TERB1: variants seen among roughly 807,000 people sequenced by gnomAD.
The protein encoded by TERB1 is telomere repeats-binding bouquet formation protein 1.
TERB1 carries 63 observed loss-of-function variants against 92.3 expected under a neutral mutation model. The observed-to-expected ratio is 0.68, with a 90% CI of 0.56 to 0.84. The LOEUF is 0.84. TERB1 is among the 40% of genes least tolerant of loss of function. The pLI is 0.00. For missense variants in TERB1, 709 were observed against 843.7 expected (o/e 0.84, Z 1.98); for synonymous variants, 252 against 283.9 (o/e 0.89, Z 1.13).
intron 16 of TERB1, among the ~76,000 whole-genome samples, chr16:66,763,102 G>A (rs184444855): frequency 2.0e-5 from 3 of 151,414 alleles, no homozygotes; most frequent in African/African-American, 7.3e-5. Flanking sequence ...TTTGAAAGTT[G>A]GTTGTTGGAA....
rs1481786994 is a variant in TERB1, at chr16:66,775,171, T to C, written c.1058A>G (p.Asn353Ser). Residue 353 changes from asparagine (N) to serine (S), a missense_variant, in exon 12 of 19, where the codon AAT becomes AGT. Asn to Ser is a conservative substitution (Grantham distance 46, BLOSUM62 1). Transcript: ENST00000433154. ...LMIQALTESQNEELNKAATFV... is the reference protein window; with the variant it reads ...LMIQALTESQSEELNKAATFV... ...TGTGGCAGCTTTGTTCAGTTCCTCATTCTGCGATTCAGTTAAGGCTTGAAT... is the reference window on the plus strand; with the variant it reads ...TGTGGCAGCTTTGTTCAGTTCCTCACTCTGCGATTCAGTTAAGGCTTGAAT... 6.4e-6 allele frequency: 10 copies of C among 1,551,564 alleles called. No homozygotes were observed. In the Admixed American group the frequency reaches 2.0e-4, roughly 30 times the overall value.
At chr16:66,798,786 A>G (rs1045768815) in intron 2 of TERB1, among the ~76,000 whole-genome samples, 6 of 152,226 alleles carry the variant, frequency 3.9e-5, no homozygotes, top group African/African-American at 1.4e-4. Flanking sequence ...TTATAATAAC[A>G]GCTTCTAACA....
At position 66,786,201 on chromosome 16, in the gene TERB1, A is replaced by T. The variant is rs139092714; in HGVS notation, c.461+24T>A. ...AGGTCCTAAGTAATGAATAATTAAC[A>T]AAAAGAAATTTGTATTTGTTTACCT... On this transcript the variant is annotated intron_variant, in intron 7 of 18. Coordinates refer to ENST00000433154, the MANE Select transcript of TERB1 (RefSeq NM_001136505.2). 6.0e-4 allele frequency: 919 copies of T among 1,541,878 alleles called. 6 individuals carry two copies. In the African/African-American group the frequency reaches 0.012, roughly 20 times the overall value.
In TERB1 at chr16:66,777,245, AT is replaced by A. The variant is rs1279627973; in HGVS notation, c.942del (p.Lys314AsnfsTer31). The A allele has an allele frequency of 1.3e-6, 2 of 1,551,156 alleles. No individual in the cohort carries two copies. Among genetic ancestry groups the A allele is most frequent in the Non-Finnish European group, 1.7e-6 (2 of 1,146,634 alleles). On this transcript the variant is annotated frameshift_variant, in exon 11 of 19. Transcript: ENST00000433154. LOFTEE classifies it high-confidence loss of function. ...LLHESLDSGE[K>X]FSIMLTLGHC... The stretch of plus-strand genomic sequence containing the variant: ...TGACCAAGAGTAAGCATGATGCTAA[AT>A]TTTTCTCCTGAATCCAGACTTTCAT...
At chr16:66,782,091 A>G (rs72792102) in intron 9 of TERB1, among the ~76,000 whole-genome samples, 4,598 of 152,340 alleles carry the variant, frequency 0.03, 101 homozygotes, top group Non-Finnish European at 0.044. Context: ...TGTATACTGT[A>G]TAAGGGTTCA....
Position 66,796,677 on chromosome 16 carries a change from T to C in TERB1, c.31+91A>G, listed in dbSNP as rs2018933707. ...AATAGTTATGTAAATGGCTGAATGA[T>C]TCTTTCATTTCCTGGATCCTGTCAG... On this transcript the variant is annotated intron_variant, in intron 3 of 18. Coordinates refer to ENST00000433154, the MANE Select transcript of TERB1 (RefSeq NM_001136505.2). The C allele has an allele frequency of 1.4e-5, 13 of 923,606 alleles. No homozygotes were observed. The South Asian group carries it at 1.8e-4, about 13-fold the overall frequency. 57.2% of individuals were successfully genotyped at this position (923,606 alleles called of 1,614,324 possible).
At chr16:66,767,375 G>T (rs1395552166) in intron 16 of TERB1, 40 bp downstream of exon 16, 2 of 1,152,266 alleles carry the variant, frequency 1.7e-6, no homozygotes, top group Non-Finnish European at 2.5e-6. Flanking sequence ...ATCATAAAAG[G>T]CTTTGACTGT....
At chr16:66,756,768 T>C (rs1028051002) in intron 18 of TERB1, among the ~76,000 whole-genome samples, 1 of 152,174 alleles carries the variant, frequency 6.6e-6, no homozygotes, top group Non-Finnish European at 1.5e-5. Context: ...TCTTCAAAGA[T>C]TCCTACAGCA....
chr16:66,758,974 A>G (rs2145047779), intron 17 of TERB1, 136 bp from the exon 18 acceptor site: 3 of 910,076 alleles, frequency 3.3e-6, no homozygotes, highest in Non-Finnish European at 5.0e-6. Flanking sequence ...TTTTAAACCA[A>G]CAGTCTAAGA....
In TERB1 at chr16:66,777,183, T is replaced by G; in HGVS notation, c.985+20A>C. ...CGCTTTACTATTTTAATAACCACAC[T>G]CAATAAATCCAATACTTACCACAAT... On this transcript the variant is annotated intron_variant, in intron 11 of 18. Coordinates refer to ENST00000433154, the MANE Select transcript of TERB1 (RefSeq NM_001136505.2). 1.3e-6 allele frequency: 2 copies of G among 1,508,898 alleles called. No individual in the cohort carries two copies. The highest frequency in any genetic ancestry group is 2.8e-5 in the African/African-American group (2 of 71,172). 93.5% of individuals were successfully genotyped at this position (1,508,898 alleles called of 1,614,324 possible).
At chr16:66,794,031 T>A (rs2018884017) in intron 3 of TERB1, among the ~76,000 whole-genome samples, 1 of 152,138 alleles carries the variant, frequency 6.6e-6, no homozygotes. Flanking sequence ...AAAGAAAATT[T>A]TTGATGGAGC....
At chr16:66,779,873 T>A (rs1051129995) in intron 9 of TERB1, among the ~76,000 whole-genome samples, 1 of 152,166 alleles carries the variant, frequency 6.6e-6, no homozygotes, top group Non-Finnish European at 1.5e-5. Context: ...TTATAACAGA[T>A]CCCTGAGAGT....
chr16:66,756,377 G>A (rs1597004741), intron 18 of TERB1, among the ~76,000 whole-genome samples: 1 of 152,122 alleles, frequency 6.6e-6, no homozygotes, highest in Non-Finnish European at 1.5e-5. Context: ...TTACTTAATA[G>A]TATTATTTAG....
intron 3 of TERB1, among the ~76,000 whole-genome samples, chr16:66,794,103 C>T (rs1361821723): frequency 1.3e-5 from 2 of 151,818 alleles, no homozygotes; most frequent in Non-Finnish European, 2.9e-5. Flanking sequence ...CTTCTCTTTT[C>T]TTTTCTTTTC....
chr16:66,775,799 C>T (rs2145153635), intron 11 of TERB1, among the ~76,000 whole-genome samples: 1 of 151,142 alleles, frequency 6.6e-6, no homozygotes, highest in East Asian at 2.0e-4. Flanking sequence ...CAGTCTCCGC[C>T]TCCCGGGTTC....
At chr16:66,796,551 A>C (rs1017160682) in intron 3 of TERB1, among the ~76,000 whole-genome samples, 17 of 152,354 alleles carry the variant, frequency 1.1e-4, no homozygotes, top group African/African-American at 3.8e-4. Flanking sequence ...CTGACATTAA[A>C]TCAACTATCA....
intron 16 of TERB1, among the ~76,000 whole-genome samples, chr16:66,765,321 T>C (rs561054286): frequency 6.6e-6 from 1 of 152,370 alleles, no homozygotes; most frequent in East Asian, 1.9e-4. Context: ...AAATGCCTAA[T>C]GATTCTGTCA....
At chr16:66,768,301 A>G in intron 14 of TERB1, 133 bp from the exon 15 acceptor site, 1 of 668,536 alleles carries the variant, frequency 1.5e-6, no homozygotes, top group Non-Finnish European at 2.6e-6. Flanking sequence ...ATCTACCACA[A>G]TCTACCAAAT....
chr16:66,790,484 TC>T lies in TERB1; in HGVS notation c.271+110del, dbSNP rs1281218038. Reference sequence around the variant, plus strand: ...GGGGAAGGAGGCTAGATAAAATTATTCAAACATGTAAAAAAAAGGAAAGGAA... The same window carrying T: ...GGGGAAGGAGGCTAGATAAAATTATTAAACATGTAAAAAAAAGGAAAGGAA... On this transcript the variant is annotated intron_variant, in intron 5 of 18. Coordinates refer to ENST00000433154, the MANE Select transcript of TERB1 (RefSeq NM_001136505.2). The T allele has an allele frequency of 3.1e-5, 24 of 770,236 alleles. No homozygotes were observed. In the East Asian group the frequency reaches 6.3e-4, roughly 20 times the overall value. The allele number at this position is 770,236 out of a possible 1,614,324, so 47.7% of individuals were successfully genotyped here.
Sources: allele counts gnomAD v4.1 joint callset (sites outside exome capture counted in the v4.1 genomes callset), GRCh38; gene constraint gnomAD v4.1.1; transcripts MANE v1.5; gene names NCBI Gene and HGNC (gene_info 2026-07-23, HGNC 2026-07-21).